The following ABCB1 variants were observed in gnomAD, a reference collection of about 807,000 sequenced individuals.
The protein encoded by ABCB1 is ATP-dependent translocase ABCB1.
Under a neutral mutation model 142.0 loss-of-function variants are expected in ABCB1, and 69 were observed. The observed-to-expected ratio is 0.49, with a 90% confidence interval of 0.40 to 0.59. The LOEUF (loss-of-function observed/expected upper bound fraction) is 0.59, where lower values mean the gene tolerates loss of function less well. ABCB1 is among the 20% of genes least tolerant of loss of function. The pLI is 0.00. For missense variants in ABCB1, 1,326 were observed against 1,554.7 expected (o/e 0.85, Z 2.47); for synonymous variants, 532 against 539.2 (o/e 0.99, Z 0.18).
intron 1 of ABCB1, among the ~76,000 whole-genome samples, chr7:87,670,362 C>A (rs939874492): frequency 6.6e-6 from 1 of 152,198 alleles, no homozygotes; most frequent in Non-Finnish European, 1.5e-5. Flanking sequence ...TTTCATCCTT[C>A]AGCTCCTGTA....
At chr7:87,571,472 T>G (rs1818053489) in intron 4 of ABCB1, among the ~76,000 whole-genome samples, 1 of 152,144 alleles carries the variant, frequency 6.6e-6, no homozygotes, top group Non-Finnish European at 1.5e-5. Flanking sequence ...ACTATAACTA[T>G]GTAGGGAAAG....
intron 14 of ABCB1, among the ~76,000 whole-genome samples, chr7:87,547,971 T>C (rs1816860364): frequency 6.7e-6 from 1 of 149,150 alleles, no homozygotes; most frequent in South Asian, 2.1e-4. Context: ...GTGGCCATGA[T>C]GGCACAACTG....
intron 1 of ABCB1, among the ~76,000 whole-genome samples, chr7:87,638,628 G>A (rs1374968510): frequency 1.4e-5 from 2 of 147,204 alleles, no homozygotes; most frequent in Non-Finnish European, 3.0e-5. Context: ...TTTTTTTGCT[G>A]AGACTTTTCT....
At chr7:87,624,829 T>C (rs967300816) in intron 1 of ABCB1, among the ~76,000 whole-genome samples, 1 of 152,140 alleles carries the variant, frequency 6.6e-6, no homozygotes, top group Non-Finnish European at 1.5e-5. Context: ...AAGGCCCCCA[T>C]GTGGCAGTGT....
Position 87,644,485 on chromosome 7 carries a change from T to TA in ABCB1, c.-330-43408dup, listed in dbSNP as rs564165360. ...TTCTCTGTCTCATATTTTGGATACT[T>TA]ACGTTCTATTAAAAACATCACTCTT... On this transcript the variant is annotated intron_variant, in intron 1 of 28. Coordinates refer to the ABCB1 transcript ENST00000265724. Among the ~76,000 whole-genome samples the TA allele has an allele frequency of 8.8e-4, 134 of 152,336 alleles. 1 individual carries two copies. The highest frequency in any genetic ancestry group is 2.2e-3 in the African/African-American group (93 of 41,588).
In ABCB1 at chr7:87,549,503, C is replaced by T. The variant is rs1584870562; in HGVS notation, c.1570G>A (p.Val524Ile). ...MKLPHKFDTLVGERGAQLSGG... is the reference protein window; with the variant it reads ...MKLPHKFDTLIGERGAQLSGG... ...CTCAACTGGGCCCCTCTCTCTCCAA[C>T]CAGGGTGTCAAATTTCTACCACAGA... The change falls in exon 14 of 28, where the codon GTT becomes ATT. Residue 524 changes from valine (V) to isoleucine (I), a missense_variant. By Grantham distance (29) the Val-to-Ile change is conservative (BLOSUM62 3). Transcript: ENST00000622132. 6.2e-7 allele frequency: 1 copy of T among 1,614,172 alleles called. No homozygotes were observed. The highest frequency in any genetic ancestry group is 8.5e-7 in the Non-Finnish European group (1 of 1,180,032).
intron 1 of ABCB1, among the ~76,000 whole-genome samples, chr7:87,620,500 T>C (rs1156960092): frequency 6.6e-6 from 1 of 152,206 alleles, no homozygotes; most frequent in Non-Finnish European, 1.5e-5. Context: ...GGTTTTTTTT[T>C]CTAAAGAGTT....
At chr7:87,582,434 G>C (rs1303857416) in intron 4 of ABCB1, among the ~76,000 whole-genome samples, 2 of 152,038 alleles carry the variant, frequency 1.3e-5, no homozygotes, top group Non-Finnish European at 2.9e-5. Context: ...GTTCACCCTT[G>C]TCCATCCCTC....
At chr7:87,615,205 C>T (rs943450962) in intron 1 of ABCB1, among the ~76,000 whole-genome samples, 33 of 152,174 alleles carry the variant, frequency 2.2e-4, no homozygotes, top group Admixed American at 7.2e-4. Flanking sequence ...AAGGAAGGAG[C>T]TCTGTCTATC....
chr7:87,642,440 A>G (rs1047806893), intron 1 of ABCB1, among the ~76,000 whole-genome samples: 5 of 152,256 alleles, frequency 3.3e-5, no homozygotes, highest in African/African-American at 1.2e-4. Flanking sequence ...TGGATAAAGA[A>G]TAATTGGATT....
At chr7:87,652,621 G>GAGATATATATATATATATATATAT (rs374832268) in intron 1 of ABCB1, among the ~76,000 whole-genome samples, 35 of 125,378 alleles carry the variant, frequency 2.8e-4, no homozygotes, top group African/African-American at 1.2e-3. Flanking sequence ...TGTGGTCACT[G>GAGATATATATATATATATATATAT]ATATATATAT....
At chr7:87,535,611 C>T (rs2117142490) in intron 20 of ABCB1, among the ~76,000 whole-genome samples, 1 of 152,180 alleles carries the variant, frequency 6.6e-6, no homozygotes. Context: ...TGAAACTATT[C>T]CAAACAATAG....
chr7:87,671,937 G>A (rs1825861552), intron 1 of ABCB1, among the ~76,000 whole-genome samples: 1 of 152,114 alleles, frequency 6.6e-6, no homozygotes, highest in Non-Finnish European at 1.5e-5. Context: ...GGAGGCCCTG[G>A]TTGGGAGGTC....
chr7:87,652,621 G>GAGATATATATATATATATATATATAT (rs374832268), intron 1 of ABCB1, among the ~76,000 whole-genome samples: 7 of 125,408 alleles, frequency 5.6e-5, no homozygotes, highest in African/African-American at 2.4e-4. Context: ...TGTGGTCACT[G>GAGATATATATATATATATATATATAT]ATATATATAT....
chr7:87,510,613 C>T (rs1018062144), intron 25 of ABCB1, among the ~76,000 whole-genome samples: 1 of 152,216 alleles, frequency 6.6e-6, no homozygotes, highest in African/African-American at 2.4e-5. Flanking sequence ...GTGACTAGTG[C>T]GTGCTGAGCC....
chr7:87,684,932 C>T (rs559048416), intron 1 of ABCB1, among the ~76,000 whole-genome samples: 1 of 151,144 alleles, frequency 6.6e-6, no homozygotes, highest in Non-Finnish European at 1.5e-5. Context: ...GAACCTTGTT[C>T]CTTACCTCAC....
At chr7:87,580,489 C>T (rs907371642) in intron 4 of ABCB1, among the ~76,000 whole-genome samples, 3 of 151,896 alleles carry the variant, frequency 2.0e-5, no homozygotes, top group Admixed American at 2.0e-4. Context: ...TTTCTTTATC[C>T]TTGACTTTTG....
At chr7:87,604,915 G>A (rs1455087365), upstream of ABCB1, among the ~76,000 whole-genome samples, 1 of 151,974 alleles carries the variant, frequency 6.6e-6, no homozygotes, top group African/African-American at 2.4e-5. Flanking sequence ...CTCTCATTTT[G>A]TATTTATTAT....
chr7:87,607,294 A>G (rs550022390), intron 1 of ABCB1, among the ~76,000 whole-genome samples: 2 of 152,284 alleles, frequency 1.3e-5, no homozygotes, highest in East Asian at 3.9e-4. Flanking sequence ...GGAAGATAAT[A>G]CAGAAGAGAG....
Sources: allele counts gnomAD v4.1 joint callset (sites outside exome capture counted in the v4.1 genomes callset), GRCh38; gene constraint gnomAD v4.1.1; transcripts MANE v1.5; gene names NCBI Gene and HGNC (gene_info 2026-07-23, HGNC 2026-07-21).